Variants in DOCK4 observed in about 807,000 individuals in gnomAD.
DOCK4 encodes the protein dedicator of cytokinesis 4.
Under a neutral mutation model 268.1 loss-of-function variants are expected in DOCK4, and 97 were observed. That is an observed-to-expected ratio of 0.36 (90% confidence interval 0.31 to 0.43). DOCK4 has a LOEUF of 0.43. Ranked by LOEUF, DOCK4 falls within the 20% of genes least tolerant of loss-of-function variation. The probability of loss-of-function intolerance (pLI) is 1.00; values close to 1 mark genes in which losing one functional copy is unlikely to be tolerated. For missense variants in DOCK4, 2,145 were observed against 2,455.7 expected (o/e 0.87, Z 2.67); for synonymous variants, 954 against 887.2 (o/e 1.08, Z -1.34).
At chr7:112,181,701 T>C (rs925974450) in intron 1 of DOCK4, among the ~76,000 whole-genome samples, 3 of 143,900 alleles carry the variant, frequency 2.1e-5, no homozygotes, top group African/African-American at 7.8e-5. Flanking sequence ...TTAAATAAAG[T>C]ATGATACGTT....
chr7:111,802,594 G>GGTAACATA (rs1800384353), intron 30 of DOCK4, among the ~76,000 whole-genome samples: 1 of 152,036 alleles, frequency 6.6e-6, no homozygotes, highest in Admixed American at 6.6e-5. Context: ...TTACTATCTT[G>GGTAACATA]GTCTTTAGTC....
At chr7:112,023,850 A>G (rs1802546698) in intron 1 of DOCK4, among the ~76,000 whole-genome samples, 1 of 152,228 alleles carries the variant, frequency 6.6e-6, no homozygotes, top group Admixed American at 6.5e-5. Flanking sequence ...TTACTCTTTA[A>G]TCTATATTCT....
At chr7:112,090,820 A>C (rs1381659783) in intron 1 of DOCK4, among the ~76,000 whole-genome samples, 1 of 152,172 alleles carries the variant, frequency 6.6e-6, no homozygotes, top group Non-Finnish European at 1.5e-5. Flanking sequence ...GAGATCTTTT[A>C]ATTTAACTCT....
At chr7:111,748,009 C>T (rs1796385359) in intron 42 of DOCK4, among the ~76,000 whole-genome samples, 1 of 152,140 alleles carries the variant, frequency 6.6e-6, no homozygotes, top group South Asian at 2.1e-4. Context: ...ATAATATATA[C>T]TGCAGGATCT....
intron 1 of DOCK4, among the ~76,000 whole-genome samples, chr7:112,099,003 A>C (rs1349293402): frequency 6.6e-6 from 1 of 152,106 alleles, no homozygotes; most frequent in East Asian, 1.9e-4. Context: ...ATAGTAGTTC[A>C]AGAAGGCCAG....
chr7:112,016,617 G>T (rs1288365990), intron 1 of DOCK4, among the ~76,000 whole-genome samples: 1 of 152,092 alleles, frequency 6.6e-6, no homozygotes, highest in Non-Finnish European at 1.5e-5. Context: ...TTGTCACAGG[G>T]TTATTCAGAC....
At chr7:112,161,806 C>A (rs1817155140) in intron 1 of DOCK4, among the ~76,000 whole-genome samples, 1 of 152,142 alleles carries the variant, frequency 6.6e-6, no homozygotes, top group Non-Finnish European at 1.5e-5. Context: ...CATAACAAAA[C>A]TGGAGAACCT....
intron 2 of DOCK4, among the ~76,000 whole-genome samples, chr7:112,002,559 C>A (rs1800511805): frequency 6.6e-6 from 1 of 152,140 alleles, no homozygotes; most frequent in Non-Finnish European, 1.5e-5. Context: ...TCCGATATCA[C>A]CAGCATCTAA....
intron 21 of DOCK4, 86 bp downstream of exon 21, chr7:111,869,488 C>T: frequency 3.5e-6 from 4 of 1,151,652 alleles, no homozygotes; most frequent in Non-Finnish European, 5.2e-6. Flanking sequence ...TCACCCATTA[C>T]TGTCTGTGTA....
At chr7:111,911,129 T>G (rs1733959544) in intron 13 of DOCK4, among the ~76,000 whole-genome samples, 1 of 152,164 alleles carries the variant, frequency 6.6e-6, no homozygotes, top group African/African-American at 2.4e-5. Flanking sequence ...ATCATGTGCC[T>G]CACCTGTTTT....
chr7:111,835,074 G>A (rs1399432484), intron 25 of DOCK4, among the ~76,000 whole-genome samples: 3 of 152,150 alleles, frequency 2.0e-5, no homozygotes, highest in Non-Finnish European at 4.4e-5. Context: ...ACACTATGAG[G>A]TAGGGGGTAT....
chr7:111,992,510 G>A (rs1464786906), intron 5 of DOCK4, among the ~76,000 whole-genome samples: 2 of 152,110 alleles, frequency 1.3e-5, no homozygotes, highest in Admixed American at 1.3e-4. Context: ...CAGTGTCCAG[G>A]GAAACATTTA....
intron 23 of DOCK4, among the ~76,000 whole-genome samples, chr7:111,852,988 AC>A (rs1464113015): frequency 2.0e-5 from 3 of 152,198 alleles, no homozygotes; most frequent in Non-Finnish European, 1.5e-5. Flanking sequence ...CTCATATTCC[AC>A]ATCTCAGATA....
At chr7:112,145,095 GT>G (rs1182849070) in intron 1 of DOCK4, among the ~76,000 whole-genome samples, 1 of 152,164 alleles carries the variant, frequency 6.6e-6, no homozygotes, top group African/African-American at 2.4e-5. Flanking sequence ...GTTGCAGGTG[GT>G]TCCAAGGCAG....
At chr7:112,130,721 G>T (rs1813722290) in intron 1 of DOCK4, among the ~76,000 whole-genome samples, 1 of 152,226 alleles carries the variant, frequency 6.6e-6, no homozygotes, top group Non-Finnish European at 1.5e-5. Flanking sequence ...TTTTAAGTTA[G>T]TAAATGTGGG....
At chr7:112,072,025 A>G (rs1350599029) in intron 1 of DOCK4, among the ~76,000 whole-genome samples, 6 of 152,190 alleles carry the variant, frequency 3.9e-5, no homozygotes, top group South Asian at 2.1e-4. Flanking sequence ...CTGCAAACCA[A>G]TGTGAAAATT....
intron 27 of DOCK4, among the ~76,000 whole-genome samples, chr7:111,815,116 A>G (rs1009807889): frequency 6.6e-6 from 1 of 152,220 alleles, no homozygotes; most frequent in African/African-American, 2.4e-5. Flanking sequence ...TATAAAAAAT[A>G]CTTTTAATTT....
At chr7:111,793,206 C>T (rs1799671054) in intron 30 of DOCK4, among the ~76,000 whole-genome samples, 2 of 152,200 alleles carry the variant, frequency 1.3e-5, no homozygotes, top group African/African-American at 2.4e-5. Flanking sequence ...TTACTGCACA[C>T]AGCTAAATAT....
intron 11 of DOCK4, among the ~76,000 whole-genome samples, chr7:111,937,513 T>C (rs1440406318): frequency 6.6e-6 from 1 of 152,166 alleles, no homozygotes; most frequent in Non-Finnish European, 1.5e-5. Context: ...AGGGCTGGAA[T>C]GCATAGGTCT....
Sources: allele counts gnomAD v4.1 joint callset (sites outside exome capture counted in the v4.1 genomes callset), GRCh38; gene constraint gnomAD v4.1.1; transcripts MANE v1.5; gene names NCBI Gene and HGNC (gene_info 2026-07-23, HGNC 2026-07-21).